The following ZNFX1 variants were observed in gnomAD, a reference collection of about 807,000 sequenced individuals.
ZNFX1 encodes the protein NFX1-type zinc finger-containing protein 1.
In ZNFX1, 78 loss-of-function variants were observed where a neutral mutation model predicts 179.8. The observed-to-expected ratio is 0.43, with a 90% CI of 0.36 to 0.52. The LOEUF is 0.52. ZNFX1 is among the 20% of genes least tolerant of loss of function. The probability of loss-of-function intolerance (pLI) is 0.00; values close to 1 mark genes in which losing one functional copy is unlikely to be tolerated. For synonymous variants in ZNFX1, 848 were observed against 868.5 expected (o/e 0.98, Z 0.42); for missense variants, 1,927 against 2,386.6 (o/e 0.81, Z 4.01).
At chr20:49,267,999 G>GAGTAGC (rs1423258603) in intron 3 of ZNFX1, among the ~76,000 whole-genome samples, 1 of 151,142 alleles carries the variant, frequency 6.6e-6, no homozygotes, top group Non-Finnish European at 1.5e-5. Context: ...TCAGCCTCCC[G>GAGTAGC]AGTAGCTGGG....
In ZNFX1 at chr20:49,271,097, G is replaced by A; in HGVS notation, c.715C>T (p.Gln239Ter). 6.2e-7 allele frequency: 1 copy of A among 1,614,150 alleles called. No homozygotes were observed. Among genetic ancestry groups the A allele is most frequent in the Non-Finnish European group, 8.5e-7 (1 of 1,180,028 alleles). ...ITEPIPDIRN[Q>*]YPEHISNIIS... Reference sequence around the variant, plus strand: ...ATGTTGCTTATGTGCTCTGGATACTGGTTTCGGATGTCAGGGATGGGTTCA... The same window carrying A: ...ATGTTGCTTATGTGCTCTGGATACTAGTTTCGGATGTCAGGGATGGGTTCA... Residue 239 changes from glutamine to a stop codon, truncating the protein, a stop_gained, in exon 3 of 14, where the codon CAG (glutamine) becomes TAG (stop). Coordinates refer to ENST00000396105, the MANE Select transcript of ZNFX1 (RefSeq NM_021035.3). LOFTEE classifies it high-confidence loss of function.
In ZNFX1 at chr20:49,261,703, T is replaced by C. The variant is rs1981116835; in HGVS notation, c.2302-1126A>G. Among the ~76,000 whole-genome samples the C allele has an allele frequency of 2.0e-5, 3 of 151,356 alleles. No individual in the cohort carries two copies. The South Asian group carries it at 6.3e-4, about 32-fold the overall frequency. The stretch of plus-strand genomic sequence containing the variant: ...CTCTGTCGCCCAGGCTGGAGTGCAG[T>C]GGCACGATCTCGGCTCACTGCAAGC... On this transcript the variant is annotated intron_variant, in intron 6 of 13. Transcript: ENST00000396105.
chr20:49,251,842 CTT>C (rs71186445), intron 12 of ZNFX1, among the ~76,000 whole-genome samples: 205 of 134,212 alleles, frequency 1.5e-3, no homozygotes, highest in Non-Finnish European at 1.7e-3. Context: ...ATTTTTCTTT[CTT>C]TTTTTTTTTT....
chr20:49,258,088 G>C (rs575716912), intron 7 of ZNFX1, among the ~76,000 whole-genome samples: 28 of 141,482 alleles, frequency 2.0e-4, no homozygotes, highest in African/African-American at 6.5e-4. Context: ...CATTATCAAG[G>C]GTTTATGTGA....
In ZNFX1 at chr20:49,257,528, C is replaced by G; in HGVS notation, c.2553G>C (p.Lys851Asn). Residue 851 changes from lysine to asparagine, a missense_variant, in exon 8 of 14, where the codon AAG (lysine) becomes AAC (asparagine). Lys to Asn is a moderately conservative substitution (Grantham distance 94, BLOSUM62 0). Coordinates refer to ENST00000396105, the MANE Select transcript of ZNFX1 (RefSeq NM_021035.3). ...ACTCCTGGTCTGCTCCACTCTCTTC[C>G]TTCTTCCGCCGCTGGGGCCTCACCA... is the stretch of plus-strand genomic sequence containing the variant. ...EEVVRPQRRK[K>N]EESGADQELA... The G allele has an allele frequency of 6.2e-7, 1 of 1,613,896 alleles. No homozygotes were observed.
intron 7 of ZNFX1, among the ~76,000 whole-genome samples, chr20:49,259,625 CATT>C (rs1981067127): frequency 6.6e-6 from 1 of 152,154 alleles, no homozygotes; most frequent in South Asian, 2.1e-4. Flanking sequence ...GACAGGGTCT[CATT>C]ATGTTGCCCA....
chr20:49,270,253 T>C lies in ZNFX1; in HGVS notation c.1559A>G (p.Glu520Gly), dbSNP rs1981346806. 1 of 1,613,962 alleles carries C rather than the reference T, an allele frequency of 6.2e-7. No homozygotes were observed. The highest frequency in any genetic ancestry group is 1.3e-5 in the African/African-American group (1 of 74,952). ...AYFEAYRHVL[E>G]GLQEVQEEDV... ...TTCCTCCTGGACCTCCTGGAGTCCT[T>C]CCAGGACGTGCCTGTAGGCCTCAAA... is the stretch of plus-strand genomic sequence containing the variant. Residue 520 changes from glutamate to glycine, a missense_variant, in exon 3 of 14, where the codon GAA (glutamate) becomes GGA (glycine). Physicochemically the swap from Glu to Gly is moderately conservative, Grantham distance 98. Transcript: ENST00000396105. The surrounding 1 kb of genome is among the most constrained non-coding windows in gnomAD (Gnocchi z 4.6).
chr20:49,258,098 ATTT>A (rs10648506), intron 7 of ZNFX1, among the ~76,000 whole-genome samples: 81 of 138,790 alleles, frequency 5.8e-4, no homozygotes, highest in African/African-American at 2.1e-3. Flanking sequence ...GGTTTATGTG[ATTT>A]TTTTTTTTTT....
chr20:49,253,652 G>T lies in ZNFX1; in HGVS notation c.3105+14C>A, dbSNP rs376407008. Reference sequence around the variant, plus strand: ...GGAGAGCCAGCCCATCTTCTAGGGGGACTCTCGTTTTACCTGCTGGTGGTC... The same window carrying T: ...GGAGAGCCAGCCCATCTTCTAGGGGTACTCTCGTTTTACCTGCTGGTGGTC... On this transcript the variant is annotated intron_variant, in intron 11 of 13. Transcript: ENST00000396105. The T allele has an allele frequency of 5.6e-6, 9 of 1,613,584 alleles. No individual in the cohort carries two copies. The African/African-American group carries it at 1.2e-4, about 22-fold the overall frequency.
rs550462831 is a variant in ZNFX1 at position 49,263,350 on chromosome 20, A to G, written c.2285T>C (p.Met762Thr). ...GACCCCTACCTGCACTGGTCCATTC[A>G]TGAGACTTTCCCAGTGCTGGGGTGA... The part of the protein sequence containing the change: ...YISPQHWESL[M>T]NGPVQDSEWI... Residue 762 changes from methionine (M) to threonine (T), a missense_variant, in exon 6 of 14, where the codon ATG becomes ACG. Physicochemically the swap from Met to Thr is moderately conservative, Grantham distance 81. Coordinates refer to ENST00000396105, the MANE Select transcript of ZNFX1 (RefSeq NM_021035.3). 7 of 1,613,532 alleles carry G rather than the reference A, an allele frequency of 4.3e-6. No homozygotes were observed. In the African/African-American group the frequency reaches 9.3e-5, roughly 22 times the overall value.
In ZNFX1 at chr20:49,270,473, G is replaced by A. The variant is rs1600996622; in HGVS notation, c.1339C>T (p.Arg447Ter). Residue 447 changes from arginine to a stop codon, truncating the protein, a stop_gained, in exon 3 of 14, where the codon CGA becomes TGA. Transcript: ENST00000396105. LOFTEE classifies it high-confidence loss of function. This position sits in a 1 kb window ranked among gnomAD's most constrained non-coding sequence, Gnocchi z 4.6. Reference sequence around the variant, plus strand: ...CATACCAAAGACCCATAGAGCAATCGTTTGGAATTCTGCCAGCGAACAAAC... The same window carrying A: ...CATACCAAAGACCCATAGAGCAATCATTTGGAATTCTGCCAGCGAACAAAC... ...LKFVRWQNSK[R>*]LLYGSLVCMS... 5.0e-6 allele frequency: 8 copies of A among 1,614,078 alleles called. No individual in the cohort carries two copies. The highest frequency in any genetic ancestry group is 2.7e-5 in the African/African-American group (2 of 74,928).
intron 2 of ZNFX1, among the ~76,000 whole-genome samples, chr20:49,272,287 C>G (rs561065795): frequency 6.6e-6 from 1 of 151,512 alleles, no homozygotes; most frequent in Admixed American, 6.6e-5. Context: ...AAGTGATTCT[C>G]CTGCCTCGGC....
chr20:49,266,443 G>A (rs1981234731), intron 3 of ZNFX1, among the ~76,000 whole-genome samples, 177 bp from the exon 4 acceptor site: 1 of 152,114 alleles, frequency 6.6e-6, no homozygotes, highest in Non-Finnish European at 1.5e-5. Flanking sequence ...AGTTCTCTGG[G>A]TGGAAGCAAC....
chr20:49,267,485 T>TG (rs1472833333), intron 3 of ZNFX1, among the ~76,000 whole-genome samples: 3 of 151,720 alleles, frequency 2.0e-5, no homozygotes, highest in Non-Finnish European at 4.4e-5. Flanking sequence ...AAGTTTTTTT[T>TG]TTTTTTTTTT....
chr20:49,256,078 C>T, intron 8 of ZNFX1, 131 bp from the exon 9 acceptor site: 2 of 1,150,652 alleles, frequency 1.7e-6, no homozygotes, highest in East Asian at 2.4e-5. Flanking sequence ...CTTACATTCT[C>T]CCAACAGCTC....
chr20:49,275,517 G>A (rs149821415), intron 2 of ZNFX1, among the ~76,000 whole-genome samples: 2,780 of 152,032 alleles, frequency 0.018, 33 homozygotes, highest in Middle Eastern at 0.065. Context: ...CACCAAGCCC[G>A]GCTAATTTAT....
Position 49,246,574 on chromosome 20 carries a change from G to A in ZNFX1, c.*693C>T, listed in dbSNP as rs1310601726. On this transcript the variant is annotated 3_prime_UTR_variant, in exon 14 of 14. Transcript: ENST00000396105. The stretch of plus-strand genomic sequence containing the variant: ...AGAGTTAGTCTGCAAATTAGGGCCT[G>A]GCAATTAGAATCGGTCTGCATCAAT... The A allele has an allele frequency of 8.9e-6, 2 of 225,824 alleles. No homozygotes were observed. The highest frequency in any genetic ancestry group is 1.8e-5 in the Non-Finnish European group (2 of 111,600). The allele number at this position is 225,824 out of a possible 1,614,324, so 14.0% of individuals were successfully genotyped here.
rs1981399646 is a variant in ZNFX1 at position 49,271,529 on chromosome 20, G to A, written c.283C>T (p.Gln95Ter). 3.1e-6 allele frequency: 5 copies of A among 1,614,118 alleles called. No individual in the cohort carries two copies. The highest frequency in any genetic ancestry group is 4.2e-6 in the Non-Finnish European group (5 of 1,180,020). ...EGHASDEARD[Q>*]RHDQENDTRW... ...GTGTCATTCTCCTGGTCATGTCTTT[G>A]GTCTCTAGCTTCGTCGCTGGCATGC... is the stretch of plus-strand genomic sequence containing the variant. The change falls in exon 3 of 14, where the codon CAA (glutamine) becomes TAA (stop). Residue 95 changes from glutamine (Q) to a stop codon, truncating the protein, a stop_gained. Transcript: ENST00000396105. LOFTEE classifies it high-confidence loss of function.
chr20:49,259,366 TAATG>T (rs915444656), intron 7 of ZNFX1, among the ~76,000 whole-genome samples: 39 of 152,210 alleles, frequency 2.6e-4, no homozygotes, highest in African/African-American at 9.1e-4. Context: ...TAAAAGATAA[TAATG>T]TTACCACATT....
Sources: gnomAD v4.1 joint callset for allele counts (sites outside exome capture counted in the v4.1 genomes callset) on GRCh38, gnomAD v4.1.1 for gene constraint, Gnocchi (gnomAD v3.1) non-coding constraint, MANE v1.5 for transcripts, NCBI Gene and HGNC (gene_info 2026-07-23, HGNC 2026-07-21) for gene names.